The following PTCD1 variants were observed in gnomAD, a reference collection of about 807,000 sequenced individuals.
PTCD1 encodes pentatricopeptide repeat domain 1, also known as pentatricopeptide repeat-containing protein 1, mitochondrial.
PTCD1 carries 50 observed loss-of-function variants against 53.4 expected under a neutral mutation model. The ratio of observed to expected loss-of-function variants is 0.94; its 90% CI spans 0.75 to 1.19. PTCD1 has a LOEUF of 1.19. Ranked by LOEUF, PTCD1 falls within the 50% of genes most tolerant of loss-of-function variation. The pLI, the probability that PTCD1 is intolerant of heterozygous loss-of-function variation, is 0.00. For missense variants in PTCD1, 918 were observed against 904.8 expected, an observed-to-expected ratio of 1.01 and a Z score of -0.19; for synonymous variants, 413 against 394.8, an observed-to-expected ratio of 1.05 and a Z score of -0.55.
Position 99,419,450 on chromosome 7 carries a change from C to A in PTCD1, c.*517G>T, listed in dbSNP as rs374334634. ...GTGGCTGCTCTGGCTGAGGCTGGCG[C>A]GCTCCACCCTGGACTCTGGACTTCG... is the stretch of plus-strand genomic sequence containing the variant. On this transcript the variant is annotated 3_prime_UTR_variant, in exon 8 of 8. Coordinates refer to ENST00000292478, the MANE Select transcript of PTCD1 (RefSeq NM_015545.4). 4 of 1,610,538 alleles carry A rather than the reference C, an allele frequency of 2.5e-6. No individual in the cohort carries two copies. The East Asian group carries it at 8.9e-5, about 36-fold the overall frequency.
intron 7 of PTCD1, among the ~76,000 whole-genome samples, chr7:99,422,806 G>A (rs1795874102): frequency 2.0e-5 from 3 of 152,264 alleles, no homozygotes; most frequent in African/African-American, 7.2e-5. Flanking sequence ...CCACCTGTCT[G>A]CATAATAAAA....
chr7:99,419,361 GCAT>G lies in PTCD1; in HGVS notation c.*603_*605del, dbSNP rs1049386588. On this transcript the variant is annotated 3_prime_UTR_variant, in exon 8 of 8. Transcript: ENST00000292478. ...GTGCAGGGGCGAGCGTGGCGCAGTG[GCAT>G]CGTCTCACTGTCCTCCTCCGTTGCA... The G allele has an allele frequency of 1.2e-5, 20 of 1,611,842 alleles. No homozygotes were observed. Among genetic ancestry groups the G allele is most frequent in the Non-Finnish European group, 1.7e-5 (20 of 1,179,704 alleles).
chr7:99,433,553 G>A lies in PTCD1; in HGVS notation c.454-135C>T, dbSNP rs1584466390. 18 of 1,544,658 alleles carry A rather than the reference G, an allele frequency of 1.2e-5. No individual in the cohort carries two copies. In the East Asian group the frequency reaches 3.8e-4, roughly 32 times the overall value. On this transcript the variant is annotated intron_variant, in intron 2 of 7. Coordinates refer to ENST00000292478, the MANE Select transcript of PTCD1 (RefSeq NM_015545.4). The stretch of plus-strand genomic sequence containing the variant: ...CCCTGGGTGACTGCAAACCCCCTGG[G>A]CCCCCAGCTGTTTCTGCCCCATCCC...
At chr7:99,431,832 T>C (rs1450272267) in intron 3 of PTCD1, among the ~76,000 whole-genome samples, 2 of 152,190 alleles carry the variant, frequency 1.3e-5, no homozygotes, top group Non-Finnish European at 2.9e-5. Flanking sequence ...TCCATTTTGT[T>C]CTGTACTAAG....
At chr7:99,436,308 G>T (rs1235897875) in intron 1 of PTCD1, among the ~76,000 whole-genome samples, 1 of 152,020 alleles carries the variant, frequency 6.6e-6, no homozygotes, top group African/African-American at 2.4e-5. Context: ...AGTGATGGCA[G>T]ATTGAACAGA....
intron 7 of PTCD1, among the ~76,000 whole-genome samples, chr7:99,421,453 AAG>A (rs1221193389): frequency 6.7e-6 from 1 of 149,792 alleles, no homozygotes; most frequent in Non-Finnish European, 1.5e-5. Flanking sequence ...AAAAAGAAAA[AAG>A]AAAATGCGGC....
Position 99,417,510 on chromosome 7 carries a change from T to C in PTCD1, c.*2457A>G. On this transcript the variant is annotated 3_prime_UTR_variant, in exon 8 of 8. Coordinates refer to ENST00000292478, the MANE Select transcript of PTCD1 (RefSeq NM_015545.4). ...TGGAAAAAGCAAGGATATGAGAACT[T>C]GTGCTGCCTGCGGTGCATTCAGACA... is the stretch of plus-strand genomic sequence containing the variant. 6.2e-7 allele frequency: 1 copy of C among 1,611,616 alleles called. No individual in the cohort carries two copies. The highest frequency in any genetic ancestry group is 8.5e-7 in the Non-Finnish European group (1 of 1,178,306).
chr7:99,419,646 C>T lies in PTCD1; in HGVS notation c.*321G>A. ...CACGTCTCTTCTTTCAGAGCATCGG[C>T]CTATGGAACCCGGCGGGGCGGCCCA... On this transcript the variant is annotated 3_prime_UTR_variant, in exon 8 of 8. Transcript: ENST00000292478. 1 of 756,288 alleles carries T rather than the reference C, an allele frequency of 1.3e-6. No homozygotes were observed. The highest frequency in any genetic ancestry group is 2.7e-5 in the East Asian group (1 of 37,096). 46.8% of individuals were successfully genotyped at this position (756,288 alleles called of 1,614,324 possible).
Position 99,417,978 on chromosome 7 carries a change from GC to G in PTCD1, c.*1988del, listed in dbSNP as rs968991151. On this transcript the variant is annotated 3_prime_UTR_variant, in exon 8 of 8. Coordinates refer to ENST00000292478, the MANE Select transcript of PTCD1 (RefSeq NM_015545.4). ...TAACATTACCATCACTATCTTTCCC[GC>G]CCCCCCAAGACGGAGTCTTGCTTTG... 2.0e-5 allele frequency: 24 copies of G among 1,178,324 alleles called. No individual in the cohort carries two copies. The Admixed American group carries it at 5.4e-4, about 26-fold the overall frequency. The allele number at this position is 1,178,324 out of a possible 1,614,324, so 73.0% of individuals were successfully genotyped here.
In PTCD1 at chr7:99,420,018, GT is replaced by G. The variant is rs764534098; in HGVS notation, c.2051del (p.Asp684AlafsTer39). The G allele has an allele frequency of 6.2e-7, 1 of 1,614,220 alleles. No individual in the cohort carries two copies. Among genetic ancestry groups the G allele is most frequent in the Non-Finnish European group, 8.5e-7 (1 of 1,180,024 alleles). ...WQKFRTKPQG[D>X]QDTGKEADDG... ...CATCAGCCTCCTTGCCGGTGTCCTGGTCCCCCTGGGGCTTGGTCCGGAACTT... is the reference window on the plus strand; with the variant it reads ...CATCAGCCTCCTTGCCGGTGTCCTGGCCCCCTGGGGCTTGGTCCGGAACTT... On this transcript the variant is annotated frameshift_variant, in exon 8 of 8. Coordinates refer to ENST00000292478, the MANE Select transcript of PTCD1 (RefSeq NM_015545.4). LOFTEE classifies it low-confidence loss of function (END_TRUNC).
intron 3 of PTCD1, among the ~76,000 whole-genome samples, chr7:99,432,635 G>A (rs979372162): frequency 9.2e-5 from 14 of 152,202 alleles, no homozygotes; most frequent in Admixed American, 9.2e-4. Flanking sequence ...GGGATGCTGA[G>A]CGTATGCTGA....
At position 99,419,906 on chromosome 7, in the gene PTCD1, C is replaced by G; in HGVS notation, c.*61G>C. 1 of 1,611,020 alleles carries G rather than the reference C, an allele frequency of 6.2e-7. No homozygotes were observed. Among genetic ancestry groups the G allele is most frequent in the Non-Finnish European group, 8.5e-7 (1 of 1,179,186 alleles). On this transcript the variant is annotated 3_prime_UTR_variant, in exon 8 of 8. Transcript: ENST00000292478. ...CCAGGCAGGAGGTGACACCAGCTCA[C>G]TTGTCCTGGGGCTCCCACAGAGCAC...
In PTCD1 at chr7:99,419,686, G is replaced by GAT; in HGVS notation, c.*279_*280dup. 2.9e-6 allele frequency: 2 copies of GAT among 693,470 alleles called. No individual in the cohort carries two copies. The highest frequency in any genetic ancestry group is 4.7e-6 in the Non-Finnish European group (2 of 422,014). 43.0% of individuals were successfully genotyped at this position (693,470 alleles called of 1,614,324 possible). A position where few individuals can be genotyped will look rare whatever the true frequency, so the allele number is the denominator to read the frequency against. Reference sequence around the variant, plus strand: ...GGGGCGGCCCAGGCCCCAGGGACCAGATGCCCCAGCCCCCTTGTGGTGTGT... The same window carrying GAT: ...GGGGCGGCCCAGGCCCCAGGGACCAGATATGCCCCAGCCCCCTTGTGGTGTGT... On this transcript the variant is annotated 3_prime_UTR_variant, in exon 8 of 8. Transcript: ENST00000292478.
At chr7:99,421,183 T>A (rs1795798128) in intron 7 of PTCD1, among the ~76,000 whole-genome samples, 1 of 152,128 alleles carries the variant, frequency 6.6e-6, no homozygotes, top group African/African-American at 2.4e-5. Context: ...CTCACTCCTA[T>A]AATCCCAGTG....
chr7:99,435,626 G>A (rs535843850), intron 1 of PTCD1, among the ~76,000 whole-genome samples: 1 of 144,668 alleles, frequency 6.9e-6, no homozygotes, highest in African/African-American at 2.6e-5. Context: ...GTGACAGAGT[G>A]AGACTCTGTC....
Position 99,418,481 on chromosome 7 carries a change from CT to C in PTCD1, c.*1485del. 6.5e-6 allele frequency: 1 copy of C among 153,332 alleles called. No homozygotes were observed. The highest frequency in any genetic ancestry group is 1.5e-5 in the Non-Finnish European group (1 of 68,838). 9.5% of individuals were successfully genotyped at this position (153,332 alleles called of 1,614,324 possible). On this transcript the variant is annotated 3_prime_UTR_variant, in exon 8 of 8. Transcript: ENST00000292478. ...ACCGCCCATCTGCCAGCCTGGCCTT[CT>C]TTTCCCCAGCTCCACACAGGGGCCT...
In PTCD1 at chr7:99,434,849, G is replaced by T. The variant is rs181819633; in HGVS notation, c.394C>A (p.Arg132=). 6.8e-6 allele frequency: 11 copies of T among 1,614,136 alleles called. No individual in the cohort carries two copies. Among genetic ancestry groups the T allele is most frequent in the Middle Eastern group, 1.7e-4 (1 of 6,060 alleles). Residue 132 remains arginine (R), a synonymous_variant, in exon 2 of 8, where the codon CGG becomes AGG. Transcript: ENST00000292478. The stretch of plus-strand genomic sequence containing the variant: ...AAGTACCAGTACGGGGTGTTTCTCC[G>T]GCCTCGCCATAATTTGGGCTCCGGT... ...MEPEPKLWRG[R]RNTPYWYFLQ...
At position 99,438,791 on chromosome 7, in the gene PTCD1, C is replaced by A; in HGVS notation, c.-126G>T. On this transcript the variant is annotated 5_prime_UTR_variant, in exon 1 of 8. Transcript: ENST00000292478. Reference sequence around the variant, plus strand: ...GTCCCCCTCTCCCCAAGCGCGCAGGCGCAATCCGCGTCGCCGACTCACGCG... The same window carrying A: ...GTCCCCCTCTCCCCAAGCGCGCAGGAGCAATCCGCGTCGCCGACTCACGCG... 1 of 1,389,830 alleles carries A rather than the reference C, an allele frequency of 7.2e-7. No individual in the cohort carries two copies. The highest frequency in any genetic ancestry group is 9.5e-7 in the Non-Finnish European group (1 of 1,055,188). The allele number at this position is 1,389,830 out of a possible 1,614,324, so 86.1% of individuals were successfully genotyped here. A position where few individuals can be genotyped will look rare whatever the true frequency, so the allele number is the denominator to read the frequency against.
At position 99,434,981 on chromosome 7, in the gene PTCD1, T is replaced by TCTC. The variant is rs757002858; in HGVS notation, c.259_261dup (p.Glu87dup). On this transcript the variant is annotated inframe_insertion, in exon 2 of 8. Coordinates refer to ENST00000292478, the MANE Select transcript of PTCD1 (RefSeq NM_015545.4). ...TATTTGTCAGAGAGGGTCCCAAAACTCTCCTCCTCCTCCTCGTCTTCTTCC... is the reference window on the plus strand; with the variant it reads ...TATTTGTCAGAGAGGGTCCCAAAACTCTCCTCCTCCTCCTCCTCGTCTTCTTCC... The TCTC allele has an allele frequency of 2.2e-5, 35 of 1,613,748 alleles. No homozygotes were observed. In the African/African-American group the frequency reaches 3.2e-4, roughly 15 times the overall value.
Sources: gnomAD v4.1 joint callset for allele counts (sites outside exome capture counted in the v4.1 genomes callset) on GRCh38, gnomAD v4.1.1 for gene constraint, MANE v1.5 for transcripts, NCBI Gene and HGNC (gene_info 2026-07-23, HGNC 2026-07-21) for gene names.